Variants in DAB1 observed in about 807,000 individuals in gnomAD.
The protein encoded by DAB1 is DAB adaptor protein 1.
A neutral mutation model predicts 64.6 loss-of-function variants in DAB1; 15 were observed. That is an observed-to-expected ratio of 0.23 (90% CI 0.16 to 0.36). DAB1 has a LOEUF of 0.36. Among genes scored for constraint, DAB1 ranks in the 10% least tolerant of loss-of-function variants. DAB1 has a pLI of 1.00. For synonymous variants in DAB1, 235 were observed against 251.9 expected, an observed-to-expected ratio of 0.93 and a Z score of 0.64; for missense variants, 596 against 706.7, an observed-to-expected ratio of 0.84 and a Z score of 1.78.
At chr1:57,272,633 T>A (rs886849043) in intron 2 of DAB1, among the ~76,000 whole-genome samples, 4 of 152,198 alleles carry the variant, frequency 2.6e-5, no homozygotes, top group Non-Finnish European at 5.9e-5. Context: ...GCCACATAGC[T>A]TAATAAATAA....
At chr1:57,447,561 C>G (rs1346023068) in intron 7 of DAB1, among the ~76,000 whole-genome samples, 3 of 152,150 alleles carry the variant, frequency 2.0e-5, no homozygotes, top group African/African-American at 4.8e-5. Flanking sequence ...GCTTTATTTT[C>G]AGAAAGGTCA....
At chr1:58,226,006 G>C (rs1436084927) in intron 4 of DAB1, among the ~76,000 whole-genome samples, 1 of 150,738 alleles carries the variant, frequency 6.6e-6, no homozygotes, top group East Asian at 1.9e-4. Context: ...GATGTTGCTT[G>C]GCTAAATTCA....
At chr1:58,063,201 G>A (rs909271910) in intron 5 of DAB1, among the ~76,000 whole-genome samples, 4 of 152,154 alleles carry the variant, frequency 2.6e-5, no homozygotes, top group African/African-American at 9.7e-5. Context: ...AAGGCAAGCA[G>A]CAGAGCCTTT....
chr1:58,221,401 G>T (rs536587114), intron 4 of DAB1, among the ~76,000 whole-genome samples: 1 of 152,198 alleles, frequency 6.6e-6, no homozygotes, highest in Non-Finnish European at 1.5e-5. Context: ...CTTGGTATCA[G>T]CTTGTAAAAT....
chr1:57,577,776 G>A (rs762124399), intron 7 of DAB1, among the ~76,000 whole-genome samples: 13 of 152,208 alleles, frequency 8.5e-5, no homozygotes, highest in Admixed American at 5.2e-4. Flanking sequence ...TACTTAGTAT[G>A]TTCCCTAGTG....
chr1:58,038,441 C>T (rs1206051792), intron 5 of DAB1, among the ~76,000 whole-genome samples: 1 of 150,980 alleles, frequency 6.6e-6, no homozygotes, highest in Non-Finnish European at 1.5e-5. Flanking sequence ...ATCTTGGTTC[C>T]TGTCACATAA....
chr1:58,147,403 G>C (rs1349237494), intron 5 of DAB1, among the ~76,000 whole-genome samples: 1 of 150,724 alleles, frequency 6.6e-6, no homozygotes, highest in Non-Finnish European at 1.5e-5. Context: ...CGGATCACGA[G>C]GTCAGGAGAT....
At chr1:58,162,605 C>T (rs1394940117) in intron 4 of DAB1, among the ~76,000 whole-genome samples, 2 of 152,262 alleles carry the variant, frequency 1.3e-5, no homozygotes, top group Non-Finnish European at 2.9e-5. Flanking sequence ...AACACTCACA[C>T]TGAAACTCTA....
rs147963069 is a variant in DAB1 at position 58,335,917 on chromosome 1, G to A, written n.309+7435C>T. Among the ~76,000 whole-genome samples the A allele has an allele frequency of 2.8e-3, 427 of 152,288 alleles. 3 individuals are homozygous for A. Among genetic ancestry groups the A allele is most frequent in the African/African-American group, 9.9e-3 (410 of 41,560 alleles). ...CTGTTTTGGCTGCATTACCTACAAG[G>A]TGCTTCACATCTGAATGAACGTGGA... On this transcript the variant is annotated intron_variant and non_coding_transcript_variant, in intron 4 of 20. Transcript: ENST00000485760.
intron 4 of DAB1, among the ~76,000 whole-genome samples, chr1:57,101,163 G>A (rs975937924): frequency 6.6e-6 from 1 of 152,170 alleles, no homozygotes; most frequent in African/African-American, 2.4e-5. Context: ...TCAGGGACTT[G>A]TGAATGGCTG....
At chr1:58,474,533 A>C (rs1645400137) in intron 3 of DAB1, among the ~76,000 whole-genome samples, 1 of 152,142 alleles carries the variant, frequency 6.6e-6, no homozygotes, top group South Asian at 2.1e-4. Flanking sequence ...TCCAAAAAGT[A>C]CCCTAACTCC....
intron 7 of DAB1, among the ~76,000 whole-genome samples, chr1:57,452,564 A>G (rs1686427021): frequency 6.6e-6 from 1 of 152,108 alleles, no homozygotes; most frequent in South Asian, 2.1e-4. Flanking sequence ...TAGAACTGCC[A>G]CCAGGATGAA....
intron 7 of DAB1, among the ~76,000 whole-genome samples, chr1:57,575,800 C>T (rs893808995): frequency 1.3e-5 from 2 of 152,106 alleles, no homozygotes; most frequent in African/African-American, 4.8e-5. Flanking sequence ...TCTTATATGC[C>T]AAGTTCTGAC....
intron 7 of DAB1, among the ~76,000 whole-genome samples, chr1:57,590,613 G>A (rs994318792): frequency 6.6e-6 from 1 of 151,996 alleles, no homozygotes; most frequent in African/African-American, 2.4e-5. Flanking sequence ...TTACAGGTGT[G>A]AGCCACCGTG....
intron 7 of DAB1, among the ~76,000 whole-genome samples, chr1:57,551,010 A>G (rs1644907937): frequency 2.0e-5 from 3 of 152,196 alleles, no homozygotes; most frequent in Admixed American, 2.0e-4. Flanking sequence ...GAATCTGGAT[A>G]TCTCAGGGGC....
chr1:58,168,496 C>T lies in DAB1; in HGVS notation n.310-17908G>A, dbSNP rs180815421. On this transcript the variant is annotated intron_variant and non_coding_transcript_variant, in intron 4 of 20. Transcript: ENST00000485760. The stretch of plus-strand genomic sequence containing the variant: ...TAGTCCCACTTCTAAAAACCACTCC[C>T]TGTCTCTGGTGCTTTTCTAGTTTCT... Among the ~76,000 whole-genome samples the T allele has an allele frequency of 4.5e-4, 68 of 152,272 alleles. 1 individual carries two copies. The highest frequency in any genetic ancestry group is 1.5e-3 in the African/African-American group (63 of 41,550).
chr1:57,080,328 G>GT (rs1652381027), intron 4 of DAB1, among the ~76,000 whole-genome samples: 1 of 152,058 alleles, frequency 6.6e-6, no homozygotes, highest in African/African-American at 2.4e-5. Flanking sequence ...CTGTGTCCAG[G>GT]TCTCTCTCTG....
At chr1:58,188,988 T>C (rs1353631825) in intron 4 of DAB1, among the ~76,000 whole-genome samples, 1 of 152,192 alleles carries the variant, frequency 6.6e-6, no homozygotes, top group East Asian at 1.9e-4. Context: ...ATTAGAAGGG[T>C]AAACAGAAGT....
At chr1:57,385,361 G>C (rs938926614) in intron 1 of DAB1, among the ~76,000 whole-genome samples, 1 of 152,166 alleles carries the variant, frequency 6.6e-6, no homozygotes, top group African/African-American at 2.4e-5. Flanking sequence ...GCATGTGTTA[G>C]CCTGTGTAAA....
Sources: gnomAD v4.1 joint callset for allele counts (sites outside exome capture counted in the v4.1 genomes callset) on GRCh38, gnomAD v4.1.1 for gene constraint, MANE v1.5 for transcripts, NCBI Gene and HGNC (gene_info 2026-07-23, HGNC 2026-07-21) for gene names.